The following ANK2 variants were observed in gnomAD, a reference collection of about 807,000 sequenced individuals.
The protein encoded by ANK2 is ankyrin-2.
In ANK2, 83 loss-of-function variants were observed where a neutral mutation model predicts 360.5. The ratio of observed to expected loss-of-function variants is 0.23; its 90% CI spans 0.19 to 0.28. ANK2 has a LOEUF of 0.28. ANK2 is among the 10% of genes least tolerant of loss of function. ANK2 has a pLI of 1.00. For missense variants in ANK2, 4,201 were observed against 4,795.7 expected (o/e 0.88, Z 3.66); for synonymous variants, 1,740 against 1,759.5 (o/e 0.99, Z 0.28).
At chr4:112,895,772 A>G (rs2081547783) in intron 1 of ANK2, among the ~76,000 whole-genome samples, 3 of 152,218 alleles carry the variant, frequency 2.0e-5, no homozygotes, top group Admixed American at 2.0e-4. Context: ...CTCAAACCAC[A>G]GAGTTTATTT....
At chr4:112,885,796 CAAAAA>C (rs750277917) in intron 1 of ANK2, among the ~76,000 whole-genome samples, 1 of 26,970 alleles carries the variant, frequency 3.7e-5, no homozygotes, top group Non-Finnish European at 7.4e-5. Flanking sequence ...GACTCTGTCT[CAAAAA>C]AAAAAAAAAA....
Position 113,356,251 on chromosome 4 carries a change from G to A in ANK2, c.7633G>A (p.Glu2545Lys). Residue 2545 changes from glutamate to lysine, a missense_variant, in exon 38 of 46, where the codon GAA (glutamate) becomes AAA (lysine). Physicochemically the swap from Glu to Lys is moderately conservative, Grantham distance 56. This residue lies in a region of ANK2 where 2,642 missense variants were observed against 2,714.5 expected (regional missense o/e 0.97). Coordinates refer to ENST00000357077, the MANE Select transcript of ANK2 (RefSeq NM_001148.6). ...PLSPDTPSSE[E>K]VSYEVTPKTT... ...TTCTCCTGACACCCCCAGCTCTGAA[G>A]AAGTCAGCTATGAGGTTACACCCAA... 1.2e-6 allele frequency: 2 copies of A among 1,614,034 alleles called. No homozygotes were observed. Among genetic ancestry groups the A allele is most frequent in the Non-Finnish European group, 1.7e-6 (2 of 1,179,986 alleles).
chr4:112,993,246 C>T (rs536784846), intron 2 of ANK2, among the ~76,000 whole-genome samples: 7 of 152,134 alleles, frequency 4.6e-5, no homozygotes, highest in Admixed American at 6.5e-5. Flanking sequence ...TTTGTGACTG[C>T]ACTCCAGGCT....
intron 2 of ANK2, among the ~76,000 whole-genome samples, chr4:113,179,209 G>GA (rs752683609): frequency 5.9e-5 from 9 of 152,178 alleles, no homozygotes; most frequent in Non-Finnish European, 1.0e-4. Flanking sequence ...AAGAAGAAAA[G>GA]AAAATGTATC....
In ANK2 at chr4:113,356,662, T is replaced by C; in HGVS notation, c.8044T>C (p.Leu2682=). 1 of 1,614,072 alleles carries C rather than the reference T, an allele frequency of 6.2e-7. No individual in the cohort carries two copies. The highest frequency in any genetic ancestry group is 8.5e-7 in the Non-Finnish European group (1 of 1,179,972). Reference sequence around the variant, plus strand: ...TAAAAAAGGTGCTGACTCAGGCCTTTTACCAGAACCAGTGATTCGAGTACA... The same window carrying C: ...TAAAAAAGGTGCTGACTCAGGCCTTCTACCAGAACCAGTGATTCGAGTACA... ...QLKKGADSGL[L]PEPVIRVQPP... is the part of the protein sequence containing the mutation. Residue 2682 remains leucine, a synonymous_variant, in exon 38 of 46, where the codon TTA becomes CTA. Coordinates refer to ENST00000357077, the MANE Select transcript of ANK2 (RefSeq NM_001148.6).
intron 2 of ANK2, among the ~76,000 whole-genome samples, chr4:112,918,936 CA>C (rs1275547845): frequency 6.6e-6 from 1 of 152,180 alleles, no homozygotes; most frequent in Non-Finnish European, 1.5e-5. Context: ...TATAGCTAAT[CA>C]GGGGTGGTAA....
chr4:113,240,991 A>G (rs1049043940), intron 8 of ANK2, among the ~76,000 whole-genome samples: 4 of 152,198 alleles, frequency 2.6e-5, no homozygotes, highest in African/African-American at 9.6e-5. Context: ...TTTTTAATGA[A>G]TTGAGAATTT....
At chr4:113,034,883 G>A (rs1372080471) in intron 2 of ANK2, 1 of 151,884 alleles carries the variant, frequency 6.6e-6, no homozygotes, top group African/African-American at 2.4e-5. Context: ...AAATAATAAT[G>A]ATTAGATATA....
chr4:113,141,465 T>A (rs1399203976), intron 1 of ANK2: 1 of 152,222 alleles, frequency 6.6e-6, no homozygotes, highest in Admixed American at 6.5e-5. Flanking sequence ...GTGAAAAACT[T>A]CAGAGCTGGA....
chr4:113,042,998 G>A (rs990268406), intron 2 of ANK2, among the ~76,000 whole-genome samples: 8 of 152,054 alleles, frequency 5.3e-5, no homozygotes, highest in Admixed American at 2.0e-4. Flanking sequence ...AGCTCTGTAA[G>A]GAAAAAGATT....
intron 14 of ANK2, among the ~76,000 whole-genome samples, chr4:113,272,269 G>A (rs1023820242): frequency 1.3e-5 from 2 of 152,170 alleles, no homozygotes; most frequent in Non-Finnish European, 2.9e-5. Flanking sequence ...ACCTACTTCC[G>A]GTCCAGGCTG....
In ANK2 at chr4:112,882,701, A is replaced by AT. The variant is rs58342870; in HGVS notation, c.-39-21742dup. On this transcript the variant is annotated intron_variant, in intron 1 of 30. Transcript: ENST00000503271. Reference sequence around the variant, plus strand: ...CCAGGTTTAATGCATTAATAATAGAATTTTTTTTTTTTAAAATGAAGCAAA... The same window carrying AT: ...CCAGGTTTAATGCATTAATAATAGAATTTTTTTTTTTTTAAAATGAAGCAAA... 8.7e-3 allele frequency among the ~76,000 whole-genome samples: 1,304 copies of AT among 149,102 alleles called. 7 individuals carry two copies. The highest frequency in any genetic ancestry group is 0.011 in the Non-Finnish European group (765 of 67,190).
chr4:113,228,116 G>C (rs10488901), intron 4 of ANK2, among the ~76,000 whole-genome samples: 19,388 of 152,202 alleles, frequency 0.13, 1,655 homozygotes, highest in Non-Finnish European at 0.19. Context: ...CCAAGATCTT[G>C]AATGTTTGTC....
intron 4 of ANK2, among the ~76,000 whole-genome samples, chr4:113,231,040 A>G (rs1339544063): frequency 6.7e-6 from 1 of 148,786 alleles, no homozygotes; most frequent in African/African-American, 2.5e-5. Context: ...AGACTTTTAC[A>G]TTTTCTTTTT....
In ANK2 at chr4:113,353,990, T is replaced by C; in HGVS notation, c.5372T>C (p.Val1791Ala). The C allele has an allele frequency of 6.2e-7, 1 of 1,613,776 alleles. No individual in the cohort carries two copies. Among genetic ancestry groups the C allele is most frequent in the East Asian group, 2.2e-5 (1 of 44,858 alleles). The stretch of plus-strand genomic sequence containing the variant: ...GGTCGAAGCAAGTTGCCCATCAGAG[T>C]CAAAGGCAAGGAGGACGTGCCAAAA... ...QKGRSKLPIR[V>A]KGKEDVPKKT... The change falls in exon 38 of 46, where the codon GTC (valine) becomes GCC (alanine). Residue 1791 changes from valine to alanine, a missense_variant. By Grantham distance (64) the Val-to-Ala change is moderately conservative. This residue lies in a region of ANK2 where 2,642 missense variants were observed against 2,714.5 expected (regional missense o/e 0.97). Transcript: ENST00000357077.
intron 23 of ANK2, among the ~76,000 whole-genome samples, chr4:113,308,291 A>C (rs2078214579): frequency 6.6e-6 from 1 of 152,208 alleles, no homozygotes; most frequent in Admixed American, 6.5e-5. Flanking sequence ...GAATTTTCAA[A>C]GAGAAGCACA....
the ANK2 span, among the ~76,000 whole-genome samples, chr4:112,766,048 G>A: frequency 2.0e-5 from 3 of 152,246 alleles, no homozygotes; most frequent in Admixed American, 6.5e-5. Context: ...ATAAATATTT[G>A]TTGCAGCTGG....
At chr4:113,122,194 T>C (rs995151467) in intron 1 of ANK2, among the ~76,000 whole-genome samples, 1 of 152,088 alleles carries the variant, frequency 6.6e-6, no homozygotes, top group Non-Finnish European at 1.5e-5. Flanking sequence ...AAACTGAGCA[T>C]GCTTTCCCTG....
the ANK2 span, among the ~76,000 whole-genome samples, chr4:112,771,618 C>G: frequency 6.6e-6 from 1 of 150,590 alleles, no homozygotes; most frequent in East Asian, 2.0e-4. Context: ...CAGAGTCTCA[C>G]TCTTTCGCCC....
Sources: allele counts gnomAD v4.1 joint callset (sites outside exome capture counted in the v4.1 genomes callset), GRCh38; gene constraint gnomAD v4.1.1; regional missense constraint gnomAD v4.1.1; transcripts MANE v1.5; gene names NCBI Gene and HGNC (gene_info 2026-07-23, HGNC 2026-07-21).